The following PAX7 variants were observed in gnomAD, a reference collection of about 807,000 sequenced individuals.
The protein encoded by PAX7 is paired box 7.
Under a neutral mutation model 50.7 loss-of-function variants are expected in PAX7, and 18 were observed. That is an observed-to-expected ratio of 0.36 (90% CI 0.25 to 0.53). The LOEUF is 0.53. Among genes scored for constraint, PAX7 ranks in the 20% least tolerant of loss-of-function variants. The pLI is 0.93. For synonymous variants in PAX7, 310 were observed against 290.4 expected (o/e 1.07, Z -0.69); for missense variants, 644 against 702.9 (o/e 0.92, Z 0.95).
rs190756292 is a variant in PAX7, at chr1:18,680,883, C to T, written c.587-10871C>T. ...AGAGTGTAAAAGATTTTGAGCCGGG[C>T]GCGGTGGCTCACGCCTGTAATCCCA... On this transcript the variant is annotated intron_variant, in intron 4 of 8. Transcript: ENST00000420770. Among the ~76,000 whole-genome samples the T allele has an allele frequency of 1.8e-3, 270 of 152,216 alleles. 1 individual carries two copies. Among genetic ancestry groups the T allele is most frequent in the Non-Finnish European group, 9.4e-4 (64 of 68,008 alleles).
intron 4 of PAX7, among the ~76,000 whole-genome samples, chr1:18,660,459 T>TA (rs1557515081): frequency 1.3e-5 from 2 of 151,938 alleles, no homozygotes; most frequent in East Asian, 1.9e-4. Context: ...GAAACCAAAG[T>TA]GGGGGATGAT....
At position 18,731,125 on chromosome 1, in the gene PAX7, C is replaced by T. The variant is rs141641703; in HGVS notation, c.1156-4507C>T. ...CACCAGGAAAAAAGTAAAATCTACC[C>T]GGGGAGAGGCCTTAGCATTCTTGAG... On this transcript the variant is annotated intron_variant, in intron 7 of 8. Transcript: ENST00000420770. Among the ~76,000 whole-genome samples, 1,096 of 152,260 alleles carry T rather than the reference C, an allele frequency of 7.2e-3. 15 individuals carry two copies. The highest frequency in any genetic ancestry group is 0.025 in the African/African-American group (1,033 of 41,542).
Position 18,700,854 on chromosome 1 carries a change from T to G in PAX7, c.952+36T>G. 2 of 1,367,438 alleles carry G rather than the reference T, an allele frequency of 1.5e-6. No homozygotes were observed. The highest frequency in any genetic ancestry group is 1.9e-6 in the Non-Finnish European group (2 of 1,049,700). 84.7% of individuals were successfully genotyped at this position (1,367,438 alleles called of 1,614,324 possible). On this transcript the variant is annotated intron_variant, in intron 6 of 8. Coordinates refer to ENST00000420770, the MANE Select transcript of PAX7 (RefSeq NM_001135254.2). The surrounding 1 kb of genome is among the most constrained non-coding windows in gnomAD (Gnocchi z 4.8). ...TGGCCCCGTCCTGCCATCTCAGTGG[T>G]GCCCCTTCCCTTCTTTCTTTACTTT...
rs546976806 is a variant in PAX7, at chr1:18,656,336, A to G, written c.586+19965A>G. Among the ~76,000 whole-genome samples the G allele has an allele frequency of 3.9e-5, 6 of 152,224 alleles. No individual in the cohort carries two copies. The East Asian group carries it at 1.2e-3, about 30-fold the overall frequency. On this transcript the variant is annotated intron_variant, in intron 4 of 8. Transcript: ENST00000420770. ...TGGTGAAGCCCTGTCTCTATTAAAA[A>G]TACAAAAAACAAATTAGCCAGGTGA...
chr1:18,680,822 A>G (rs1397575902), intron 4 of PAX7, among the ~76,000 whole-genome samples: 1 of 152,180 alleles, frequency 6.6e-6, no homozygotes, highest in Non-Finnish European at 1.5e-5. Flanking sequence ...AATGAGAACT[A>G]GTGAGTAATT....
At chr1:18,717,278 GGTCGCGGGGCCTCGGCC>G (rs1474972929) in intron 7 of PAX7, among the ~76,000 whole-genome samples, 1 of 152,166 alleles carries the variant, frequency 6.6e-6, no homozygotes, top group African/African-American at 2.4e-5. Context: ...GTCCAGTCTT[GGTCGCGGGGCCTCGGCC>G]GTCTCGGGAC....
At chr1:18,715,062 C>A (rs930625698) in intron 7 of PAX7, among the ~76,000 whole-genome samples, 1 of 152,208 alleles carries the variant, frequency 6.6e-6, no homozygotes, top group Non-Finnish European at 1.5e-5. Flanking sequence ...CAGGCAAGAT[C>A]GCAGGTAGGA....
intron 7 of PAX7, among the ~76,000 whole-genome samples, chr1:18,724,954 C>T (rs769959597): frequency 9.2e-5 from 14 of 152,174 alleles, no homozygotes; most frequent in Admixed American, 5.2e-4. Context: ...TGCATGTCTT[C>T]GACCTGCTGT....
intron 4 of PAX7, among the ~76,000 whole-genome samples, chr1:18,659,590 T>G (rs1288222124): frequency 2.0e-5 from 3 of 152,072 alleles, no homozygotes; most frequent in Admixed American, 2.0e-4. Flanking sequence ...TCCCTGGTGG[T>G]TTTTCCCCTG....
intron 4 of PAX7, among the ~76,000 whole-genome samples, chr1:18,642,911 A>G (rs1389604592): frequency 2.2e-5 from 3 of 136,888 alleles, no homozygotes; most frequent in African/African-American, 5.4e-5. Context: ...AACTACCAGC[A>G]TGGGAAGGGG....
At chr1:18,667,391 AAAGGAAGGAAGGAAGGAAGGAAGGAAGG>A (rs3080496) in intron 4 of PAX7, among the ~76,000 whole-genome samples, 13 of 113,388 alleles carry the variant, frequency 1.1e-4, no homozygotes, top group South Asian at 7.4e-4. Flanking sequence ...AAGGAAGGAG[AAAGGAAGGAAGGAAGGAAGGAAGGAAGG>A]AAGGAAGGAA....
chr1:18,655,590 C>A (rs916527071), intron 4 of PAX7, among the ~76,000 whole-genome samples: 2 of 152,200 alleles, frequency 1.3e-5, no homozygotes, highest in Admixed American at 6.5e-5. Flanking sequence ...GGGCTGCAGT[C>A]GGCGGGAGGG....
At chr1:18,709,753 G>A (rs565938892) in intron 7 of PAX7, among the ~76,000 whole-genome samples, 2 of 152,338 alleles carry the variant, frequency 1.3e-5, no homozygotes, top group East Asian at 3.9e-4. Context: ...GATCTGGCAA[G>A]TGGCAGAGTT....
intron 8 of PAX7, among the ~76,000 whole-genome samples, chr1:18,741,157 A>G (rs1931110403): frequency 6.6e-6 from 1 of 152,208 alleles, no homozygotes; most frequent in Admixed American, 6.5e-5. Context: ...CATAGAAATG[A>G]TAAATACTGG....
Position 18,725,234 on chromosome 1 carries a change from C to T in PAX7, c.1156-10398C>T, listed in dbSNP as rs2089544046. ...CTGCCCAGGTACTAACAAGGCCTCCCTGCCACCGCTCAGTCCCTGCCAGAG... is the reference window on the plus strand; with the variant it reads ...CTGCCCAGGTACTAACAAGGCCTCCTTGCCACCGCTCAGTCCCTGCCAGAG... On this transcript the variant is annotated intron_variant, in intron 7 of 8. Coordinates refer to ENST00000420770, the MANE Select transcript of PAX7 (RefSeq NM_001135254.2). Among the ~76,000 whole-genome samples, 3 of 152,092 alleles carry T rather than the reference C, an allele frequency of 2.0e-5. 1 individual carries two copies. Among genetic ancestry groups the T allele is most frequent in the South Asian group, 4.1e-4 (2 of 4,834 alleles).
intron 5 of PAX7, among the ~76,000 whole-genome samples, chr1:18,695,875 A>G (rs934056033): frequency 1.3e-5 from 2 of 152,032 alleles, no homozygotes; most frequent in Non-Finnish European, 2.9e-5. Flanking sequence ...GATGATCAGC[A>G]CCAGGAAACT....
chr1:18,682,790 G>A (rs1231402276), intron 4 of PAX7, among the ~76,000 whole-genome samples: 1 of 152,186 alleles, frequency 6.6e-6, no homozygotes, highest in African/African-American at 2.4e-5. Context: ...GGGGAGAGAG[G>A]AGGTGCTGCC....
chr1:18,641,992 G>A (rs1472225938), intron 4 of PAX7, among the ~76,000 whole-genome samples: 2 of 139,564 alleles, frequency 1.4e-5, no homozygotes, highest in Non-Finnish European at 3.0e-5. Flanking sequence ...CCCTTTCACA[G>A]CTTTCCAAAT....
chr1:18,741,374 C>T (rs893492776), intron 8 of PAX7, among the ~76,000 whole-genome samples: 3 of 151,656 alleles, frequency 2.0e-5, no homozygotes, highest in East Asian at 3.9e-4. Flanking sequence ...TGCTTGAACT[C>T]GGGAGGCGGA....
Sources: gnomAD v4.1 joint callset for allele counts (sites outside exome capture counted in the v4.1 genomes callset) on GRCh38, gnomAD v4.1.1 for gene constraint, Gnocchi (gnomAD v3.1) non-coding constraint, MANE v1.5 for transcripts, NCBI Gene and HGNC (gene_info 2026-07-23, HGNC 2026-07-21) for gene names.